Variants in FAM117A observed in about 807,000 individuals in gnomAD.
FAM117A encodes protein FAM117A.
In FAM117A, 21 loss-of-function variants were observed where a neutral mutation model predicts 44.1. The observed-to-expected ratio is 0.48, with a 90% CI of 0.34 to 0.69. The LOEUF (loss-of-function observed/expected upper bound fraction) is 0.69. Ranked by LOEUF, FAM117A falls within the 30% of genes least tolerant of loss-of-function variation. The pLI, the probability that FAM117A is intolerant of heterozygous loss-of-function variation, is 0.01. For synonymous variants in FAM117A, 220 were observed against 238.3 expected (o/e 0.92, Z 0.71); for missense variants, 498 against 589.9 (o/e 0.84, Z 1.61).
At chr17:49,742,873 C>CA (rs1192641199) in intron 1 of FAM117A, among the ~76,000 whole-genome samples, 2 of 152,044 alleles carry the variant, frequency 1.3e-5, no homozygotes, top group African/African-American at 2.4e-5. Flanking sequence ...AGTTCAAAGA[C>CA]AAAAAATCCT....
At position 49,779,096 on chromosome 17, in the gene FAM117A, T is replaced by C. The variant is rs575947931; in HGVS notation, c.-621+9401A>G. On this transcript the variant is annotated intron_variant, in intron 1 of 7. Transcript: ENST00000513602. The stretch of plus-strand genomic sequence containing the variant: ...AAGAAACCTGCACACTCCTAAGGAA[T>C]TGCAGGAAGGCCAGTGAAGCTGCGG... 1.2e-4 allele frequency among the ~76,000 whole-genome samples: 19 copies of C among 152,262 alleles called. No individual in the cohort carries two copies. The South Asian group carries it at 3.5e-3, about 28-fold the overall frequency.
chr17:49,781,287 T>G (rs2073788875), intron 1 of FAM117A, among the ~76,000 whole-genome samples: 1 of 152,200 alleles, frequency 6.6e-6, no homozygotes, highest in Non-Finnish European at 1.5e-5. Flanking sequence ...AAGACTGAAG[T>G]ATATCCTCAG....
chr17:49,761,590 T>C (rs1249442621), intron 1 of FAM117A, among the ~76,000 whole-genome samples: 1 of 152,224 alleles, frequency 6.6e-6, no homozygotes, highest in Admixed American at 6.5e-5. Context: ...TGGCAGAACC[T>C]GGATTTAAAA....
chr17:49,785,609 T>G (rs1011916586), intron 1 of FAM117A, among the ~76,000 whole-genome samples: 4 of 152,198 alleles, frequency 2.6e-5, no homozygotes, highest in African/African-American at 9.6e-5. Context: ...ATCAAAGCCC[T>G]GTACTGGACA....
At chr17:49,723,450 G>A (rs567945981) in intron 2 of FAM117A, among the ~76,000 whole-genome samples, 20 of 152,306 alleles carry the variant, frequency 1.3e-4, no homozygotes, top group African/African-American at 4.8e-4. Context: ...CTCTAAGCAT[G>A]AAGCCAAAGA....
intron 1 of FAM117A, among the ~76,000 whole-genome samples, chr17:49,771,284 C>T (rs2073760272): frequency 3.3e-5 from 5 of 152,180 alleles, no homozygotes; most frequent in Admixed American, 3.3e-4. Context: ...ATACCTCAAT[C>T]AAGCTGTTTT....
intron 1 of FAM117A, among the ~76,000 whole-genome samples, chr17:49,744,737 G>C (rs2143758711): frequency 6.6e-6 from 1 of 151,836 alleles, no homozygotes; most frequent in East Asian, 1.9e-4. Context: ...CAAGAAACCA[G>C]GCATGGTGGC....
chr17:49,733,936 A>C (rs2073598211), intron 1 of FAM117A, among the ~76,000 whole-genome samples: 1 of 151,746 alleles, frequency 6.6e-6, no homozygotes, highest in Non-Finnish European at 1.5e-5. Context: ...AGATCAGGAG[A>C]TTGAGACTAT....
intron 1 of FAM117A, among the ~76,000 whole-genome samples, chr17:49,780,991 C>T (rs983439681): frequency 1.3e-5 from 2 of 152,050 alleles, no homozygotes; most frequent in Non-Finnish European, 2.9e-5. Context: ...CCACCATGCC[C>T]GGCTAATTTT....
chr17:49,780,661 G>A (rs538855782), intron 1 of FAM117A, among the ~76,000 whole-genome samples: 11 of 151,496 alleles, frequency 7.3e-5, no homozygotes, highest in Admixed American at 4.6e-4. Flanking sequence ...GTGAGCTACC[G>A]CGCCCAGCCT....
At chr17:49,718,605 A>G (rs1016545009) in intron 5 of FAM117A, among the ~76,000 whole-genome samples, 5 of 151,552 alleles carry the variant, frequency 3.3e-5, no homozygotes, top group African/African-American at 1.2e-4. Flanking sequence ...CAGGAGGCGG[A>G]GCTTACAGTA....
intron 1 of FAM117A, among the ~76,000 whole-genome samples, chr17:49,743,325 G>C (rs1336111853): frequency 6.6e-6 from 1 of 152,122 alleles, no homozygotes; most frequent in Non-Finnish European, 1.5e-5. Context: ...GCCAGGAGTG[G>C]TGGTTCCTAC....
At chr17:49,767,107 T>C (rs1172881426), upstream of FAM117A, among the ~76,000 whole-genome samples, 1 of 152,168 alleles carries the variant, frequency 6.6e-6, no homozygotes, top group Non-Finnish European at 1.5e-5. Flanking sequence ...GTCCTCTCCT[T>C]ACTAGGTATC....
At chr17:49,721,363 A>G (rs7225566) in intron 3 of FAM117A, among the ~76,000 whole-genome samples, 136,341 of 152,226 alleles carry the variant, frequency 0.9, 61,137 homozygotes, top group South Asian at 0.94. Context: ...TAGATCTGCT[A>G]CCCACAGCCA....
In FAM117A at chr17:49,770,639, C is replaced by T. The variant is rs144953825; in HGVS notation, c.-621+17858G>A. ...ATAGAATCGGCCAGGCGTGGTGGCT[C>T]ACGCCTGTAATCACACCACTTTGGG... On this transcript the variant is annotated intron_variant, in intron 1 of 7. Transcript: ENST00000513602. Among the ~76,000 whole-genome samples, 289 of 152,274 alleles carry T rather than the reference C, an allele frequency of 1.9e-3. 4 individuals are homozygous for T. Among genetic ancestry groups the T allele is most frequent in the Admixed American group, 0.013 (206 of 15,300 alleles).
intron 1 of FAM117A, among the ~76,000 whole-genome samples, chr17:49,786,824 C>A (rs1034782090): frequency 6.7e-6 from 1 of 150,216 alleles, no homozygotes; most frequent in Non-Finnish European, 1.5e-5. Flanking sequence ...GGAGTGGTGG[C>A]TCACACCTTA....
Position 49,722,660 on chromosome 17 carries a change from T to C in FAM117A, c.367-66A>G, listed in dbSNP as rs1019375553. 38 of 1,338,424 alleles carry C rather than the reference T, an allele frequency of 2.8e-5. No individual in the cohort carries two copies. The Admixed American group carries it at 6.6e-4, about 23-fold the overall frequency. 82.9% of individuals were successfully genotyped at this position (1,338,424 alleles called of 1,614,324 possible). The stretch of plus-strand genomic sequence containing the variant: ...GGCAGGCACTGGGGAACAGGCACAC[T>C]GTTTTCTGGGTAGAGGTGATGGCCC... On this transcript the variant is annotated intron_variant, in intron 2 of 7. Transcript: ENST00000240364.
chr17:49,724,822 G>GAAAAAAAAAAAAAAAAAGAAAAAAAA (rs2073552289), intron 2 of FAM117A, among the ~76,000 whole-genome samples: 1 of 43,590 alleles, frequency 2.3e-5, no homozygotes. Flanking sequence ...ACAGTCTCAA[G>GAAAAAAAAAAAAAAAAAGAAAAAAAA]AAAAAAAAAA....
intron 1 of FAM117A, among the ~76,000 whole-genome samples, chr17:49,773,175 G>T (rs1335330570): frequency 2.0e-5 from 3 of 152,114 alleles, no homozygotes; most frequent in Non-Finnish European, 4.4e-5. Flanking sequence ...CGTGGTGGTG[G>T]GCGCCTATAA....
Sources: gnomAD v4.1 joint callset for allele counts (sites outside exome capture counted in the v4.1 genomes callset) on GRCh38, gnomAD v4.1.1 for gene constraint, MANE v1.5 for transcripts, NCBI Gene and HGNC (gene_info 2026-07-23, HGNC 2026-07-21) for gene names.